The following TANC2 variants were observed in gnomAD, a reference collection of about 807,000 sequenced individuals.
TANC2 encodes the protein tetratricopeptide repeat, ankyrin repeat and coiled-coil containing 2.
In TANC2, 26 loss-of-function variants were observed where a neutral mutation model predicts 210.5. That is an observed-to-expected ratio of 0.12 (90% CI 0.09 to 0.17). The LOEUF is 0.17. TANC2 is among the 10% of genes least tolerant of loss of function. TANC2 has a pLI of 1.00. For synonymous variants in TANC2, 931 were observed against 967.1 expected (o/e 0.96, Z 0.69); for missense variants, 2,129 against 2,608.9 (o/e 0.82, Z 4.01).
At chr17:63,203,539 G>A (rs1266697128) in intron 7 of TANC2, among the ~76,000 whole-genome samples, 1 of 152,118 alleles carries the variant, frequency 6.6e-6, no homozygotes, top group African/African-American at 2.4e-5. Context: ...TAAATCTGAT[G>A]GTTATAAAAT....
intron 3 of TANC2, among the ~76,000 whole-genome samples, chr17:63,078,973 G>A (rs924675336): frequency 6.6e-6 from 1 of 152,128 alleles, no homozygotes; most frequent in Non-Finnish European, 1.5e-5. Flanking sequence ...TGAACAGCAA[G>A]GAATATTGAA....
chr17:63,065,598 A>G (rs2036166971), intron 2 of TANC2, among the ~76,000 whole-genome samples: 1 of 152,116 alleles, frequency 6.6e-6, no homozygotes, highest in Non-Finnish European at 1.5e-5. Flanking sequence ...TTAATTATGT[A>G]TGAGGTGGTA....
chr17:63,208,724 T>C (rs769373936), intron 7 of TANC2, among the ~76,000 whole-genome samples: 1 of 152,164 alleles, frequency 6.6e-6, no homozygotes, highest in Non-Finnish European at 1.5e-5. Flanking sequence ...CAATAGGGTC[T>C]GGTATATCCT....
chr17:63,409,181 CT>C (rs545840066), intron 21 of TANC2, among the ~76,000 whole-genome samples: 5 of 151,908 alleles, frequency 3.3e-5, no homozygotes, highest in African/African-American at 1.2e-4. Flanking sequence ...TTGTTTTTGT[CT>C]TTTTTTAGAG....
intron 15 of TANC2, among the ~76,000 whole-genome samples, chr17:63,385,427 A>G (rs2047747655): frequency 6.6e-6 from 1 of 152,194 alleles, no homozygotes; most frequent in African/African-American, 2.4e-5. Flanking sequence ...CAAGAACCTA[A>G]CTTGTCTGGA....
intron 12 of TANC2, among the ~76,000 whole-genome samples, chr17:63,344,562 A>G (rs2046339892): frequency 6.6e-6 from 1 of 152,208 alleles, no homozygotes. Context: ...AACTGTCTTT[A>G]TTTGCAGACA....
intron 11 of TANC2, among the ~76,000 whole-genome samples, chr17:63,326,816 T>G (rs74941577): frequency 9.2e-4 from 139 of 150,560 alleles, no homozygotes; most frequent in African/African-American, 3.3e-3. Flanking sequence ...ACTGATAAAC[T>G]GAGAGAAAAT....
chr17:63,178,620 A>G (rs2040674722), intron 5 of TANC2, among the ~76,000 whole-genome samples: 1 of 152,232 alleles, frequency 6.6e-6, no homozygotes. Flanking sequence ...GGGCCAAACT[A>G]ATCATTGTTT....
chr17:63,101,989 T>A (rs1029512067), intron 4 of TANC2, among the ~76,000 whole-genome samples: 5 of 152,082 alleles, frequency 3.3e-5, no homozygotes, highest in Admixed American at 6.6e-5. Context: ...AGAGTAAGTC[T>A]GAAGGGACAG....
At chr17:63,221,919 A>G (rs574651728) in intron 7 of TANC2, among the ~76,000 whole-genome samples, 19 of 152,338 alleles carry the variant, frequency 1.2e-4, no homozygotes, top group Middle Eastern at 3.4e-3. Context: ...GAGCAAGAAA[A>G]TCATATGTCT....
At chr17:63,205,350 A>AAAAAAC in intron 7 of TANC2, among the ~76,000 whole-genome samples, 1 of 143,778 alleles carries the variant, frequency 7.0e-6, no homozygotes, top group Non-Finnish European at 1.5e-5. Flanking sequence ...GAGGCAAAAA[A>AAAAAAC]AAAAAAAAAA....
At chr17:63,204,950 T>C (rs2041652355) in intron 7 of TANC2, among the ~76,000 whole-genome samples, 1 of 151,920 alleles carries the variant, frequency 6.6e-6, no homozygotes, top group Admixed American at 6.6e-5. Context: ...CCAGGCGTGG[T>C]AGCAGGAGCC....
intron 8 of TANC2, among the ~76,000 whole-genome samples, chr17:63,247,373 T>C (rs557647351): frequency 6.6e-6 from 1 of 152,204 alleles, no homozygotes; most frequent in Admixed American, 6.5e-5. Flanking sequence ...TATCATGTAT[T>C]ATAAAACTGA....
At chr17:63,176,630 C>T (rs1035101894) in intron 5 of TANC2, among the ~76,000 whole-genome samples, 15 of 151,672 alleles carry the variant, frequency 9.9e-5, no homozygotes, top group African/African-American at 3.6e-4. Context: ...ACAGTGAAAC[C>T]CCGTCTCTAC....
At chr17:63,002,519 A>G (rs1238764103) in intron 1 of TANC2, among the ~76,000 whole-genome samples, 2 of 152,162 alleles carry the variant, frequency 1.3e-5, no homozygotes, top group Non-Finnish European at 2.9e-5. Flanking sequence ...GCTTTCTCCT[A>G]TTTAAGCATG....
intron 8 of TANC2, among the ~76,000 whole-genome samples, chr17:63,247,770 T>G (rs1055383155): frequency 2.6e-5 from 4 of 152,148 alleles, no homozygotes; most frequent in Non-Finnish European, 5.9e-5. Context: ...TAGTACATAT[T>G]GACTGTGTTG....
At chr17:63,224,865 G>A (rs1176824354) in intron 7 of TANC2, among the ~76,000 whole-genome samples, 1 of 152,162 alleles carries the variant, frequency 6.6e-6, no homozygotes, top group East Asian at 1.9e-4. Context: ...TCATTTGTCA[G>A]TACTATGCCC....
At chr17:63,189,979 G>T (rs1365674559) in intron 5 of TANC2, among the ~76,000 whole-genome samples, 1 of 152,142 alleles carries the variant, frequency 6.6e-6, no homozygotes, top group East Asian at 1.9e-4. Context: ...TTATCCAGTT[G>T]TCCCAACACC....
intron 11 of TANC2, among the ~76,000 whole-genome samples, chr17:63,323,867 A>T (rs2045567687): frequency 6.6e-6 from 1 of 152,184 alleles, no homozygotes; most frequent in South Asian, 2.1e-4. Flanking sequence ...AAATGAGGAA[A>T]TAGAGGCTCT....
Sources: gnomAD v4.1 joint callset for allele counts (sites outside exome capture counted in the v4.1 genomes callset) on GRCh38, gnomAD v4.1.1 for gene constraint, MANE v1.5 for transcripts, NCBI Gene and HGNC (gene_info 2026-07-23, HGNC 2026-07-21) for gene names.